Variants in APBB1 observed in about 807,000 individuals in gnomAD.
APBB1 encodes amyloid beta precursor protein binding family B member 1, also known as adaptor protein FE65a2.
In APBB1, 22 loss-of-function variants were observed where a neutral mutation model predicts 78.4. That is an observed-to-expected ratio of 0.28 (90% CI 0.20 to 0.40). The LOEUF (loss-of-function observed/expected upper bound fraction) is 0.40, where lower values mean the gene tolerates loss of function less well. Among genes scored for constraint, APBB1 ranks in the 10% least tolerant of loss-of-function variants. The probability of loss-of-function intolerance (pLI) is 1.00; values close to 1 mark genes in which losing one functional copy is unlikely to be tolerated. For synonymous variants in APBB1, 369 were observed against 372.7 expected, an observed-to-expected ratio of 0.99 and a Z score of 0.12; for missense variants, 749 against 932.4, an observed-to-expected ratio of 0.80 and a Z score of 2.56.
At chr11:6,402,044 A>G (rs2134064251) in intron 8 of APBB1, 38 bp downstream of exon 8, 1 of 1,610,296 alleles carries the variant, frequency 6.2e-7, no homozygotes, top group East Asian at 2.2e-5. Flanking sequence ...CTGATGCTGG[A>G]TGAACTCCCA....
intron 1 of APBB1, among the ~76,000 whole-genome samples, chr11:6,412,568 C>T (rs1054938689): frequency 1.3e-5 from 2 of 152,310 alleles, no homozygotes; most frequent in African/African-American, 4.8e-5. Context: ...TCTTCCCCAG[C>T]GCCTGTCACC....
In APBB1 at chr11:6,401,968, G is replaced by T. The variant is rs1848540210; in HGVS notation, c.1388+9C>A. 16 of 1,561,578 alleles carry T rather than the reference G, an allele frequency of 1.0e-5. No individual in the cohort carries two copies. In the South Asian group the frequency reaches 1.9e-4, roughly 19 times the overall value. ...TCCAGGTGTAGGAGGGGGAAAATAG[G>T]CATAGTACCTCTCTCTGGGTCCAGC... On this transcript the variant is annotated intron_variant, in intron 9 of 14. Coordinates refer to ENST00000609360, the MANE Select transcript of APBB1 (RefSeq NM_001164.5). This position sits in a 1 kb window ranked among gnomAD's most constrained non-coding sequence, Gnocchi z 4.5.
At chr11:6,406,480 G>A (rs575482191) in intron 2 of APBB1, among the ~76,000 whole-genome samples, 7 of 151,958 alleles carry the variant, frequency 4.6e-5, no homozygotes, top group Admixed American at 1.3e-4. Context: ...CAGCTGCACA[G>A]TACAGCCCAA....
intron 2 of APBB1, among the ~76,000 whole-genome samples, chr11:6,409,267 G>C (rs889571437): frequency 6.6e-6 from 1 of 151,784 alleles, no homozygotes; most frequent in African/African-American, 2.4e-5. Context: ...TAGAGGAGAG[G>C]TTTTGCCATG....
intron 1 of APBB1, among the ~76,000 whole-genome samples, chr11:6,412,160 G>C (rs1240387985): frequency 6.6e-6 from 1 of 152,106 alleles, no homozygotes; most frequent in Non-Finnish European, 1.5e-5. Flanking sequence ...TTGTCTGTTT[G>C]TTTGTTTTTG....
intron 12 of APBB1, among the ~76,000 whole-genome samples, chr11:6,399,770 T>C (rs566279730): frequency 1.3e-5 from 2 of 152,324 alleles, no homozygotes; most frequent in Admixed American, 1.3e-4. Context: ...ACATAGCCCC[T>C]GAGGTCCCTG....
chr11:6,403,071 A>G lies in APBB1; in HGVS notation c.1104+74T>C, dbSNP rs1848616628. 2 of 1,424,408 alleles carry G rather than the reference A, an allele frequency of 1.4e-6. No homozygotes were observed. Among genetic ancestry groups the G allele is most frequent in the Non-Finnish European group, 1.9e-6 (2 of 1,040,122 alleles). 88.2% of individuals were successfully genotyped at this position (1,424,408 alleles called of 1,614,324 possible). On this transcript the variant is annotated intron_variant, in intron 6 of 14. Transcript: ENST00000609360. This position sits in a 1 kb window ranked among gnomAD's most constrained non-coding sequence, Gnocchi z 5.3. ...CTGGGGAACTGCGCTGAGACCCCTC[A>G]GAGCACAACATTAGGGGCTGTCTGA...
In APBB1 at chr11:6,401,763, C is replaced by A; in HGVS notation, c.1389-75G>T. 6.5e-7 allele frequency: 1 copy of A among 1,548,320 alleles called. No homozygotes were observed. The highest frequency in any genetic ancestry group is 8.9e-7 in the Non-Finnish European group (1 of 1,122,620). On this transcript the variant is annotated intron_variant, in intron 9 of 14. Transcript: ENST00000609360. This position sits in a 1 kb window ranked among gnomAD's most constrained non-coding sequence, Gnocchi z 4.5. ...GCCTGGTCCCCACCCCACCCACGTC[C>A]TCCCTGCCCATCACAGCTCCTCCAG...
rs750110975 is a variant in APBB1, at chr11:6,402,671, G to C, written c.1159C>G (p.Pro387Ala). The C allele has an allele frequency of 1.2e-6, 2 of 1,614,122 alleles. No homozygotes were observed. The highest frequency in any genetic ancestry group is 2.7e-5 in the African/African-American group (2 of 75,008). ...WVEMTEEELAPGRSSVAVNNC... is the reference protein window; with the variant it reads ...WVEMTEEELAAGRSSVAVNNC... ...TTGACTGCCACACTGCTGCGTCCAG[G>C]GGCCAGCTCCTCCTCGGTCATCTCT... is the stretch of plus-strand genomic sequence containing the variant. The change falls in exon 7 of 15, where the codon CCT (proline) becomes GCT (alanine). Residue 387 changes from proline to alanine, a missense_variant. Pro to Ala is a conservative substitution (Grantham distance 27, BLOSUM62 -1). This residue lies in a region of APBB1 where 635 missense variants were observed against 765.0 expected (regional missense o/e 0.83). Transcript: ENST00000609360.
At chr11:6,412,933 C>T (rs1250423479) in intron 1 of APBB1, among the ~76,000 whole-genome samples, 1 of 152,084 alleles carries the variant, frequency 6.6e-6, no homozygotes, top group Non-Finnish European at 1.5e-5. Context: ...CCTCTGCCTC[C>T]TCACAGCCCT....
intron 1 of APBB1, among the ~76,000 whole-genome samples, chr11:6,412,620 T>A (rs1848999271): frequency 6.6e-6 from 1 of 152,210 alleles, no homozygotes; most frequent in East Asian, 1.9e-4. Context: ...CTAATGATTG[T>A]CTCCTCATGA....
At chr11:6,404,431 A>G (rs1848691881) in intron 2 of APBB1, among the ~76,000 whole-genome samples, 1 of 152,094 alleles carries the variant, frequency 6.6e-6, no homozygotes, top group Non-Finnish European at 1.5e-5. Flanking sequence ...GTGTGCAGAT[A>G]CCACACCACA....
intron 1 of APBB1, among the ~76,000 whole-genome samples, chr11:6,414,323 T>C (rs562698859): frequency 6.6e-6 from 1 of 152,312 alleles, no homozygotes; most frequent in East Asian, 1.9e-4. Context: ...TAAGCAGTCT[T>C]TCCTGTTCTC....
chr11:6,402,944 GC>G (rs1262156101), intron 6 of APBB1, among the ~76,000 whole-genome samples, 200 bp downstream of exon 6: 1 of 151,764 alleles, frequency 6.6e-6, no homozygotes, highest in Non-Finnish European at 1.5e-5. Flanking sequence ...GACTACAAGG[GC>G]CCCCAACCTG....
chr11:6,410,298 A>G (rs1394780574), intron 2 of APBB1, among the ~76,000 whole-genome samples: 1 of 152,178 alleles, frequency 6.6e-6, no homozygotes, highest in Non-Finnish European at 1.5e-5. Context: ...GGGAATCATC[A>G]TAATATTTAC....
rs1564936083 is a variant in APBB1, at chr11:6,401,490, G to GC, written c.1504-62dup. ...TCTATTAGAGCCTCATTGCCCTGGG[G>GC]CCCCCCTACAGCACTCAGTGACCCC... On this transcript the variant is annotated intron_variant, in intron 10 of 14. Transcript: ENST00000609360. The surrounding 1 kb of genome is among the most constrained non-coding windows in gnomAD (Gnocchi z 4.5). The GC allele has an allele frequency of 1.2e-6, 2 of 1,612,374 alleles. No homozygotes were observed. The highest frequency in any genetic ancestry group is 1.7e-5 in the Admixed American group (1 of 59,936).
intron 2 of APBB1, among the ~76,000 whole-genome samples, chr11:6,408,075 G>A (rs139927751): frequency 0.017 from 2,599 of 152,304 alleles, 82 homozygotes; most frequent in African/African-American, 0.059. Flanking sequence ...CACCGCGCCC[G>A]GCCTAGTAGA....
At chr11:6,407,344 C>A (rs1848837347) in intron 2 of APBB1, among the ~76,000 whole-genome samples, 1 of 152,144 alleles carries the variant, frequency 6.6e-6, no homozygotes, top group East Asian at 1.9e-4. Context: ...AGTACTATCC[C>A]CCTACTCCTA....
In APBB1 at chr11:6,402,236, T is replaced by C. The variant is rs761931866; in HGVS notation, c.1255-27A>G. 2.5e-6 allele frequency: 4 copies of C among 1,610,778 alleles called. No individual in the cohort carries two copies. In the African/African-American group the frequency reaches 5.3e-5, roughly 22 times the overall value. On this transcript the variant is annotated intron_variant, in intron 7 of 14. Transcript: ENST00000609360. ...TGCAGGACCAGAAGCAGGCACTCAG[T>C]GGGACTCCAGCCAGGATGGTGGCTG...
Sources: gnomAD v4.1 joint callset for allele counts (sites outside exome capture counted in the v4.1 genomes callset) on GRCh38, gnomAD v4.1.1 for gene constraint, gnomAD v4.1.1 regional missense constraint, Gnocchi (gnomAD v3.1) non-coding constraint, MANE v1.5 for transcripts, NCBI Gene and HGNC (gene_info 2026-07-23, HGNC 2026-07-21) for gene names.